Variants in CSMD3 observed in about 807,000 individuals in gnomAD.
The protein encoded by CSMD3 is CUB and sushi domain-containing protein 3.
A neutral mutation model predicts 435.2 loss-of-function variants in CSMD3; 177 were observed. The ratio of observed to expected loss-of-function variants is 0.41; its 90% CI spans 0.36 to 0.46. The LOEUF (loss-of-function observed/expected upper bound fraction) is 0.46. CSMD3 is among the 20% of genes least tolerant of loss of function. The pLI is 0.34. For missense variants in CSMD3, 4,265 were observed against 4,504.6 expected, an observed-to-expected ratio of 0.95 and a Z score of 1.52; for synonymous variants, 1,656 against 1,520.5, an observed-to-expected ratio of 1.09 and a Z score of -2.07.
chr8:113,245,630 A>G (rs2093268517), intron 3 of CSMD3, among the ~76,000 whole-genome samples: 1 of 152,032 alleles, frequency 6.6e-6, no homozygotes, highest in Non-Finnish European at 1.5e-5. Context: ...TGCTTTATGC[A>G]GTTGTTTTTA....
In CSMD3 at chr8:113,008,205, C is replaced by G. The variant is rs1402942492; in HGVS notation, c.1030+10862G>C. Among the ~76,000 whole-genome samples, 4 of 151,672 alleles carry G rather than the reference C, an allele frequency of 2.6e-5. No individual in the cohort carries two copies. In the Admixed American group the frequency reaches 2.6e-4, roughly 10 times the overall value. On this transcript the variant is annotated intron_variant, in intron 6 of 70. Coordinates refer to ENST00000297405, the MANE Select transcript of CSMD3 (RefSeq NM_198123.2). ...AAGTTGCACAGTGGTGGAGGGAAAT[C>G]ACAATTTTATGTGAATTATGGCTTC...
intron 1 of CSMD3, among the ~76,000 whole-genome samples, chr8:113,418,353 T>G (rs10108963): frequency 6.6e-6 from 1 of 151,908 alleles, no homozygotes; most frequent in African/African-American, 2.4e-5. Context: ...AACAGTTTAG[T>G]GCAAACCAAT....
chr8:113,001,839 G>A (rs1215247375), intron 6 of CSMD3, among the ~76,000 whole-genome samples: 1 of 152,006 alleles, frequency 6.6e-6, no homozygotes, highest in Non-Finnish European at 1.5e-5. Flanking sequence ...CCTATTGGAA[G>A]AACTTGCCCT....
chr8:113,072,950 A>G (rs951398874), intron 5 of CSMD3, among the ~76,000 whole-genome samples: 1 of 151,688 alleles, frequency 6.6e-6, no homozygotes, highest in African/African-American at 2.4e-5. Context: ...AACAATAACA[A>G]TGATTCTTAC....
At chr8:113,327,842 A>C (rs1426507816) in intron 1 of CSMD3, among the ~76,000 whole-genome samples, 1 of 152,098 alleles carries the variant, frequency 6.6e-6, no homozygotes, top group East Asian at 1.9e-4. Flanking sequence ...TTGGAACAAG[A>C]GCCTGGTCAA....
intron 32 of CSMD3, among the ~76,000 whole-genome samples, chr8:112,442,303 T>C (rs1815116238): frequency 6.6e-6 from 1 of 152,164 alleles, no homozygotes; most frequent in African/African-American, 2.4e-5. Flanking sequence ...ATATTGGGAA[T>C]CACCTTTCAA....
At chr8:112,645,254 A>C in intron 19 of CSMD3, 29 bp from the exon 20 acceptor site, 1 of 1,164,826 alleles carries the variant, frequency 8.6e-7, no homozygotes, top group Non-Finnish European at 1.3e-6. Flanking sequence ...GATCCATGTG[A>C]TCAGCAGTGA....
intron 3 of CSMD3, among the ~76,000 whole-genome samples, chr8:113,266,199 CTAAAG>C (rs2093469755): frequency 8.3e-6 from 1 of 120,030 alleles, no homozygotes; most frequent in African/African-American, 3.1e-5. Flanking sequence ...AAAAAAAAAA[CTAAAG>C]TAATTTAATG....
chr8:113,098,455 C>CT (rs891109564), intron 5 of CSMD3: 42 of 367,606 alleles, frequency 1.1e-4, no homozygotes, highest in African/African-American at 8.3e-4. Flanking sequence ...AAATTACTTC[C>CT]AAGACTATTC....
intron 13 of CSMD3, among the ~76,000 whole-genome samples, chr8:112,761,321 T>C (rs2132148306): frequency 6.6e-6 from 1 of 152,270 alleles, no homozygotes; most frequent in Non-Finnish European, 1.5e-5. Flanking sequence ...TGCTAAATTC[T>C]TAACTTCAAT....
At chr8:113,201,823 T>C (rs185056547) in intron 3 of CSMD3, among the ~76,000 whole-genome samples, 1 of 152,238 alleles carries the variant, frequency 6.6e-6, no homozygotes, top group Non-Finnish European at 1.5e-5. Context: ...ATGCATTTAA[T>C]AGTTGTATAA....
intron 40 of CSMD3, among the ~76,000 whole-genome samples, chr8:112,347,065 A>T (rs1472982481): frequency 6.6e-6 from 1 of 152,170 alleles, no homozygotes; most frequent in Non-Finnish European, 1.5e-5. Flanking sequence ...AAAAGAATCA[A>T]GACAAAAAAT....
At chr8:112,659,116 A>G (rs1366119259) in intron 17 of CSMD3, among the ~76,000 whole-genome samples, 1 of 151,474 alleles carries the variant, frequency 6.6e-6, no homozygotes, top group African/African-American at 2.5e-5. Context: ...TGAAACATAA[A>G]GAGACTTAAT....
chr8:113,164,661 C>G (rs1238807402), intron 4 of CSMD3, among the ~76,000 whole-genome samples: 1 of 151,990 alleles, frequency 6.6e-6, no homozygotes, highest in East Asian at 1.9e-4. Context: ...AATTTAAATT[C>G]TGTTCTCTAT....
intron 6 of CSMD3, among the ~76,000 whole-genome samples, chr8:113,010,800 A>C (rs1332062305): frequency 6.6e-6 from 1 of 151,622 alleles, no homozygotes; most frequent in East Asian, 1.9e-4. Flanking sequence ...TTTAAGTAAG[A>C]CTATCCATGA....
intron 31 of CSMD3, among the ~76,000 whole-genome samples, chr8:112,483,830 C>A (rs1473451617): frequency 6.6e-6 from 1 of 152,140 alleles, no homozygotes; most frequent in Non-Finnish European, 1.5e-5. Flanking sequence ...TTTAAGTGAT[C>A]CTACTTTGAG....
At chr8:112,793,673 A>T (rs1427936980) in intron 13 of CSMD3, among the ~76,000 whole-genome samples, 1 of 152,180 alleles carries the variant, frequency 6.6e-6, no homozygotes, top group Non-Finnish European at 1.5e-5. Context: ...TGATGCACAG[A>T]AAATGGAAGT....
intron 1 of CSMD3, among the ~76,000 whole-genome samples, chr8:113,396,298 G>A (rs2094483296): frequency 6.6e-6 from 1 of 152,156 alleles, no homozygotes; most frequent in South Asian, 2.1e-4. Flanking sequence ...ACATGTAACT[G>A]AGTGGTAAAC....
intron 23 of CSMD3, among the ~76,000 whole-genome samples, chr8:112,585,892 T>C (rs1563734117): frequency 6.6e-6 from 1 of 151,614 alleles, no homozygotes; most frequent in Non-Finnish European, 1.5e-5. Context: ...TTGGCTCCAA[T>C]TGAAAAAACA....
Sources: gnomAD v4.1 joint callset for allele counts (sites outside exome capture counted in the v4.1 genomes callset) on GRCh38, gnomAD v4.1.1 for gene constraint, MANE v1.5 for transcripts, NCBI Gene and HGNC (gene_info 2026-07-23, HGNC 2026-07-21) for gene names.